AK5: variants seen among roughly 807,000 people sequenced by gnomAD.
The protein encoded by AK5 is adenylate kinase 5, also known as adenylate kinase isoenzyme 5.
Under a neutral mutation model 69.5 loss-of-function variants are expected in AK5, and 27 were observed. The observed-to-expected ratio is 0.39, with a 90% confidence interval of 0.29 to 0.54. The LOEUF is 0.54. Ranked by LOEUF, AK5 falls within the 20% of genes least tolerant of loss-of-function variation. AK5 has a pLI of 0.71. For missense variants in AK5, 531 were observed against 700.4 expected (o/e 0.76, Z 2.73); for synonymous variants, 260 against 244.4 (o/e 1.06, Z -0.60).
chr1:77,434,188 A>C (rs1051110541), intron 8 of AK5, among the ~76,000 whole-genome samples: 17 of 151,828 alleles, frequency 1.1e-4, no homozygotes, highest in Non-Finnish European at 7.4e-5. Context: ...GAAATTGACA[A>C]GGAAATTTGG....
intron 13 of AK5, among the ~76,000 whole-genome samples, chr1:77,547,597 A>C (rs1289107118): frequency 6.6e-6 from 1 of 152,160 alleles, no homozygotes; most frequent in Non-Finnish European, 1.5e-5. Flanking sequence ...AAATATTTTT[A>C]CATTTTTTTT....
At chr1:77,471,405 A>T (rs1200188207) in intron 8 of AK5, among the ~76,000 whole-genome samples, 2 of 152,230 alleles carry the variant, frequency 1.3e-5, no homozygotes, top group Admixed American at 6.5e-5. Flanking sequence ...TATTGTAACC[A>T]TATAGTATGA....
At chr1:77,416,159 T>A (rs1650414273) in intron 7 of AK5, among the ~76,000 whole-genome samples, 1 of 152,180 alleles carries the variant, frequency 6.6e-6, no homozygotes, top group Admixed American at 6.5e-5. Context: ...CTTACAAAAT[T>A]ATTTATTTGA....
At position 77,293,793 on chromosome 1, in the gene AK5, T is replaced by C; in HGVS notation, c.248T>C (p.Val83Ala). The C allele has an allele frequency of 6.3e-7, 1 of 1,599,278 alleles. No individual in the cohort carries two copies. The highest frequency in any genetic ancestry group is 1.1e-5 in the South Asian group (1 of 87,626). The change falls in exon 3 of 14, where the codon GTA becomes GCA. Residue 83 changes from valine (V) to alanine (A), a missense_variant and splice_region_variant. By Grantham distance (64) the Val-to-Ala change is moderately conservative. Coordinates refer to ENST00000354567, the MANE Select transcript of AK5 (RefSeq NM_174858.3). The stretch of plus-strand genomic sequence containing the variant: ...TCAAAGTTATCTTACTCTTTTGCAG[T>C]AATGCCTGAAAACTCAAACTTTCCA... The part of the protein sequence containing the change: ...GQSRRSFLRN[V>A]MPENSNFPYR...
chr1:77,366,928 T>C (rs1433295636), intron 6 of AK5, among the ~76,000 whole-genome samples: 8 of 82,924 alleles, frequency 9.6e-5, no homozygotes, highest in Non-Finnish European at 2.2e-4. Context: ...AAGGTTTTTA[T>C]ATTAGCCTTC....
intron 6 of AK5, among the ~76,000 whole-genome samples, chr1:77,382,519 T>G (rs926508131): frequency 1.3e-5 from 2 of 152,154 alleles, no homozygotes; most frequent in African/African-American, 4.8e-5. Context: ...CCTGGCTAAT[T>G]TTTAATTTTT....
chr1:77,368,283 T>TTA (rs1290952507), intron 6 of AK5, among the ~76,000 whole-genome samples: 27 of 93,954 alleles, frequency 2.9e-4, no homozygotes, highest in Non-Finnish European at 4.6e-4. Context: ...GTTATATATG[T>TTA]TATATATATG....
chr1:77,297,817 C>A lies in AK5; in HGVS notation c.586-17C>A. ...TTAACTGTGGGGTTTTTTTGTCATC[C>A]TTTCTGTTTATAAAAGGAAACAACA... On this transcript the variant is annotated splice_polypyrimidine_tract_variant and intron_variant, in intron 4 of 13. Transcript: ENST00000354567. 6.2e-7 allele frequency: 1 copy of A among 1,604,658 alleles called. No homozygotes were observed. The highest frequency in any genetic ancestry group is 1.7e-5 in the Admixed American group (1 of 58,426).
At chr1:77,512,417 T>C (rs1657402057) in intron 10 of AK5, among the ~76,000 whole-genome samples, 1 of 152,248 alleles carries the variant, frequency 6.6e-6, no homozygotes, top group South Asian at 2.1e-4. Flanking sequence ...GGAAGAGCTA[T>C]AGAGGTGTAT....
At chr1:77,451,190 C>T (rs1455409238) in intron 8 of AK5, among the ~76,000 whole-genome samples, 2 of 151,006 alleles carry the variant, frequency 1.3e-5, no homozygotes, top group Non-Finnish European at 3.0e-5. Context: ...AAAATAAATA[C>T]ATAAAGACAT....
intron 6 of AK5, among the ~76,000 whole-genome samples, chr1:77,353,711 G>A (rs1047681228): frequency 9.6e-4 from 146 of 152,250 alleles, no homozygotes; most frequent in Non-Finnish European, 4.1e-4. Context: ...AATATAATGG[G>A]CTTCCCTTGT....
Position 77,417,621 on chromosome 1 carries a change from T to C in AK5, c.983-18T>C, listed in dbSNP as rs762091324. On this transcript the variant is annotated intron_variant, in intron 7 of 13. Coordinates refer to ENST00000354567, the MANE Select transcript of AK5 (RefSeq NM_174858.3). ...ATAGACAACCTCCATCCACTTATCTTTTCTTTCCTAATCTTAGGTTCAAGT... is the reference window on the plus strand; with the variant it reads ...ATAGACAACCTCCATCCACTTATCTCTTCTTTCCTAATCTTAGGTTCAAGT... 8.3e-6 allele frequency: 13 copies of C among 1,557,630 alleles called. No homozygotes were observed. In the South Asian group the frequency reaches 1.3e-4, roughly 16 times the overall value.
intron 13 of AK5, among the ~76,000 whole-genome samples, chr1:77,551,808 A>G (rs1437019858): frequency 1.3e-5 from 2 of 152,228 alleles, no homozygotes; most frequent in Non-Finnish European, 2.9e-5. Context: ...CTATGAGGAA[A>G]GAAAGAGCAA....
intron 6 of AK5, among the ~76,000 whole-genome samples, chr1:77,380,454 C>G (rs1442404042): frequency 1.3e-5 from 2 of 152,184 alleles, no homozygotes; most frequent in African/African-American, 2.4e-5. Context: ...CTACCATTCC[C>G]CACATTTCAT....
chr1:77,440,391 G>A (rs1482058351), intron 8 of AK5, among the ~76,000 whole-genome samples: 2 of 152,058 alleles, frequency 1.3e-5, no homozygotes, highest in Non-Finnish European at 2.9e-5. Context: ...TTCTCTTACT[G>A]TTTTTAAAAT....
At chr1:77,482,819 T>C (rs1461699723) in intron 8 of AK5, among the ~76,000 whole-genome samples, 4 of 150,526 alleles carry the variant, frequency 2.7e-5, no homozygotes, top group Non-Finnish European at 5.9e-5. Context: ...TTGCTCACAA[T>C]GATGAAAATA....
chr1:77,485,561 CATT>C (rs1007268212), intron 9 of AK5, among the ~76,000 whole-genome samples: 10 of 152,254 alleles, frequency 6.6e-5, no homozygotes, highest in African/African-American at 2.4e-4. Context: ...TGTAAAATAA[CATT>C]ATTTGCTCTA....
chr1:77,479,496 G>A (rs1216243625), intron 8 of AK5, among the ~76,000 whole-genome samples: 1 of 152,122 alleles, frequency 6.6e-6, no homozygotes, highest in Non-Finnish European at 1.5e-5. Context: ...GTGAGCCACC[G>A]TACCCGGCCT....
chr1:77,471,709 G>A (rs891588043), intron 8 of AK5, among the ~76,000 whole-genome samples: 7 of 152,188 alleles, frequency 4.6e-5, no homozygotes, highest in Non-Finnish European at 8.8e-5. Context: ...ACATAAGGTG[G>A]CATTAACACC....
Sources: gnomAD v4.1 joint callset for allele counts (sites outside exome capture counted in the v4.1 genomes callset) on GRCh38, gnomAD v4.1.1 for gene constraint, MANE v1.5 for transcripts, NCBI Gene and HGNC (gene_info 2026-07-23, HGNC 2026-07-21) for gene names.